The following GLT6D1 variants were observed in gnomAD, a reference collection of about 807,000 sequenced individuals.
GLT6D1 encodes putative glycosyltransferase 6 domain-containing protein 1.
A neutral mutation model predicts 12.3 loss-of-function variants in GLT6D1; 9 were observed. That is an observed-to-expected ratio of 0.73 (90% CI 0.44 to 1.27). GLT6D1 has a LOEUF of 1.27. Among genes scored for constraint, GLT6D1 ranks in the 50% most tolerant of loss-of-function variants. GLT6D1 has a pLI of 0.00. For missense variants in GLT6D1, 335 were observed against 346.2 expected (o/e 0.97, Z 0.26); for synonymous variants, 128 against 132.3 (o/e 0.97, Z 0.23).
intron 3 of GLT6D1, among the ~76,000 whole-genome samples, chr9:135,628,855 C>T (rs955877685): frequency 6.6e-6 from 1 of 152,018 alleles, no homozygotes; most frequent in African/African-American, 2.4e-5. Context: ...TACAATTAAT[C>T]ACAGTATTCA....
chr9:135,627,248 C>A lies in GLT6D1; in HGVS notation c.120-1042G>T, dbSNP rs536081755. Among the ~76,000 whole-genome samples the A allele has an allele frequency of 4.4e-3, 669 of 152,030 alleles. 3 individuals carry two copies. Among genetic ancestry groups the A allele is most frequent in the African/African-American group, 0.012 (479 of 41,476 alleles). On this transcript the variant is annotated intron_variant, in intron 3 of 4. Coordinates refer to ENST00000371763, the MANE Select transcript of GLT6D1 (RefSeq NM_182974.3). ...AATCCTAAGGAATCTTAAAAAAAAA[C>A]CAATATCTCCTAGAACTAACAAGTG...
rs1486506845 is a variant in GLT6D1 at position 135,631,416 on chromosome 9, C to T, written c.119+15G>A. On this transcript the variant is annotated intron_variant, in intron 3 of 4. Transcript: ENST00000371763. ...TTGTTTGTGTGTGCATGTAAACAGGCATTTTTGTTCTTACCTAGGATGAAA... is the reference window on the plus strand; with the variant it reads ...TTGTTTGTGTGTGCATGTAAACAGGTATTTTTGTTCTTACCTAGGATGAAA... 1 of 1,597,330 alleles carries T rather than the reference C, an allele frequency of 6.3e-7. No individual in the cohort carries two copies. Among genetic ancestry groups the T allele is most frequent in the East Asian group, 2.2e-5 (1 of 44,782 alleles).
chr9:135,637,127 C>T (rs1315627516), intron 2 of GLT6D1, among the ~76,000 whole-genome samples: 3 of 151,966 alleles, frequency 2.0e-5, no homozygotes, highest in African/African-American at 7.3e-5. Context: ...GCTGGGATTA[C>T]AGGCATGAGC....
upstream of GLT6D1, among the ~76,000 whole-genome samples, chr9:135,640,581 G>A (rs1588208857): frequency 1.3e-5 from 2 of 152,034 alleles, no homozygotes; most frequent in East Asian, 3.9e-4. Context: ...TTAGCCAGGT[G>A]TGGTGGCTCA....
intron 3 of GLT6D1, among the ~76,000 whole-genome samples, chr9:135,627,037 T>C (rs7026422): frequency 1 from 151,642 of 152,276 alleles, 75,506 homozygotes; most frequent in Middle Eastern, 1. Context: ...TATCCTACAG[T>C]GCACACACTT....
intron 3 of GLT6D1, among the ~76,000 whole-genome samples, chr9:135,626,632 C>T (rs1833526454): frequency 6.6e-6 from 1 of 152,186 alleles, no homozygotes; most frequent in Admixed American, 6.5e-5. Flanking sequence ...AGATCACCTC[C>T]CTTACACAAT....
At chr9:135,635,648 C>T (rs1283341340) in intron 2 of GLT6D1, among the ~76,000 whole-genome samples, 1 of 152,238 alleles carries the variant, frequency 6.6e-6, no homozygotes, top group Non-Finnish European at 1.5e-5. Flanking sequence ...AAGCCAAGAT[C>T]TGGGTACCAG....
chr9:135,625,607 T>C (rs1346859169), intron 4 of GLT6D1, among the ~76,000 whole-genome samples: 1 of 152,184 alleles, frequency 6.6e-6, no homozygotes, highest in Admixed American at 6.5e-5. Flanking sequence ...AGGTCATAAG[T>C]CAGATACTTG....
In GLT6D1 at chr9:135,624,053, G is replaced by C; in HGVS notation, c.*44C>G. The C allele has an allele frequency of 8.2e-7, 1 of 1,224,622 alleles. No homozygotes were observed. The highest frequency in any genetic ancestry group is 1.2e-6 in the Non-Finnish European group (1 of 843,532). The allele number at this position is 1,224,622 out of a possible 1,614,324, so 75.9% of individuals were successfully genotyped here. A position where few individuals can be genotyped will look rare whatever the true frequency, so the allele number is the denominator to read the frequency against. On this transcript the variant is annotated 3_prime_UTR_variant, in exon 5 of 5. Transcript: ENST00000371763. The stretch of plus-strand genomic sequence containing the variant: ...GACCTTGACGTATTGGATCTGTGGA[G>C]GAGGAGAAAATGCAAGATCCCAGCT...
chr9:135,639,027 G>T, intron 2 of GLT6D1, 90 bp downstream of exon 2: 1 of 729,636 alleles, frequency 1.4e-6, no homozygotes, highest in Non-Finnish European at 2.2e-6. Flanking sequence ...GTAAGACCCT[G>T]TCTCAAAAAT....
intron 2 of GLT6D1, among the ~76,000 whole-genome samples, chr9:135,633,027 G>A (rs537778681): frequency 5.0e-4 from 76 of 152,118 alleles, no homozygotes; most frequent in African/African-American, 1.5e-3. Context: ...ACACGTGCAC[G>A]CACACACGCA....
chr9:135,623,811 A>C lies in GLT6D1; in HGVS notation c.*286T>G. ...GATAATAACATTACTGTGTATTAAC[A>C]TTAAGTAATTATCCTTTTATTCTTT... On this transcript the variant is annotated 3_prime_UTR_variant, in exon 5 of 5. Coordinates refer to ENST00000371763, the MANE Select transcript of GLT6D1 (RefSeq NM_182974.3). 1 of 315,534 alleles carries C rather than the reference A, an allele frequency of 3.2e-6. No individual in the cohort carries two copies. Among genetic ancestry groups the C allele is most frequent in the Non-Finnish European group, 5.8e-6 (1 of 171,556 alleles). The allele number at this position is 315,534 out of a possible 1,614,324, so 19.5% of individuals were successfully genotyped here.
At chr9:135,626,262 G>A (rs919259646) in intron 3 of GLT6D1, 56 bp from the exon 4 acceptor site, 13 of 1,594,774 alleles carry the variant, frequency 8.2e-6, no homozygotes, top group Non-Finnish European at 1.1e-5. Flanking sequence ...GCCGGCAGCA[G>A]GTGCCGAGCA....
At position 135,630,202 on chromosome 9, in the gene GLT6D1, G is replaced by A. The variant is rs192673444; in HGVS notation, c.119+1229C>T. ...GGGTGGATCACGAGGTCAGGAGATC[G>A]AGACCATCCTGGCTAATACGGTGAA... On this transcript the variant is annotated intron_variant, in intron 3 of 4. Coordinates refer to ENST00000371763, the MANE Select transcript of GLT6D1 (RefSeq NM_182974.3). Among the ~76,000 whole-genome samples, 579 of 151,646 alleles carry A rather than the reference G, an allele frequency of 3.8e-3. 2 individuals are homozygous for A. Among genetic ancestry groups the A allele is most frequent in the African/African-American group, 9.6e-3 (395 of 41,314 alleles).
At chr9:135,626,309 C>T (rs570183389) in intron 3 of GLT6D1, 103 bp from the exon 4 acceptor site, 23 of 1,264,018 alleles carry the variant, frequency 1.8e-5, no homozygotes, top group Middle Eastern at 5.7e-4. Flanking sequence ...TAGTGCGCGC[C>T]CAGCTCCGTG....
chr9:135,629,139 T>TA (rs1196583337), intron 3 of GLT6D1, among the ~76,000 whole-genome samples: 5 of 152,222 alleles, frequency 3.3e-5, no homozygotes, highest in African/African-American at 1.2e-4. Flanking sequence ...AAATTTTCCT[T>TA]AGTGTATAAA....
rs765398912 is a variant in GLT6D1, at chr9:135,626,165, G to A, written c.161C>T (p.Pro54Leu). The change falls in exon 4 of 5, where the codon CCT (proline) becomes CTT (leucine). Residue 54 changes from proline to leucine, a missense_variant. Physicochemically the swap from Pro to Leu is moderately conservative, Grantham distance 98 (BLOSUM62 -3). Transcript: ENST00000371763. The part of the protein sequence containing the change: ...DVITKTDWLA[P>L]VLWEGTFDRR... ...GTCGAAAGTCCCTTCCCATAGGACA[G>A]GAGCGAGCCAGTCTGTTTTCGTTAT... is the stretch of plus-strand genomic sequence containing the variant. 1.9e-6 allele frequency: 3 copies of A among 1,613,960 alleles called. No individual in the cohort carries two copies. The highest frequency in any genetic ancestry group is 1.7e-5 in the Admixed American group (1 of 60,002).
At chr9:135,631,712 A>G (rs371959814) in intron 2 of GLT6D1, among the ~76,000 whole-genome samples, 3 of 152,120 alleles carry the variant, frequency 2.0e-5, no homozygotes, top group African/African-American at 2.4e-5. Context: ...AGGAAAGAGT[A>G]TGAGTGTTGG....
At position 135,629,075 on chromosome 9, in the gene GLT6D1, C is replaced by T. The variant is rs114472323; in HGVS notation, c.119+2356G>A. On this transcript the variant is annotated intron_variant, in intron 3 of 4. Transcript: ENST00000371763. Reference sequence around the variant, plus strand: ...TTAATTGATTTGCTCTTCTTTTTTTCCTGTGCTTGCTTTAGTTTTATTTTG... The same window carrying T: ...TTAATTGATTTGCTCTTCTTTTTTTTCTGTGCTTGCTTTAGTTTTATTTTG... Among the ~76,000 whole-genome samples, 1,363 of 151,808 alleles carry T rather than the reference C, an allele frequency of 9.0e-3. 6 individuals are homozygous for T. The highest frequency in any genetic ancestry group is 0.013 in the Non-Finnish European group (887 of 67,848).
Sources: allele counts gnomAD v4.1 joint callset (sites outside exome capture counted in the v4.1 genomes callset), GRCh38; gene constraint gnomAD v4.1.1; transcripts MANE v1.5; gene names NCBI Gene and HGNC (gene_info 2026-07-23, HGNC 2026-07-21).